Variants in RHBDD1 observed in about 807,000 individuals in gnomAD.
RHBDD1 encodes rhomboid domain containing 1.
In RHBDD1, 38 loss-of-function variants were observed where a neutral mutation model predicts 36.3. The ratio of observed to expected loss-of-function variants is 1.05; its 90% CI spans 0.81 to 1.37. The LOEUF (loss-of-function observed/expected upper bound fraction) is 1.37, where lower values mean the gene tolerates loss of function less well. Ranked by LOEUF, RHBDD1 falls within the 40% of genes most tolerant of loss-of-function variation. The probability of loss-of-function intolerance (pLI) is 0.00; values close to 1 mark genes in which losing one functional copy is unlikely to be tolerated. For synonymous variants in RHBDD1, 151 were observed against 136.5 expected (o/e 1.11, Z -0.74); for missense variants, 393 against 377.6 (o/e 1.04, Z -0.34).
At chr2:226,875,968 A>T (rs1013642387) in intron 5 of RHBDD1, among the ~76,000 whole-genome samples, 1 of 152,248 alleles carries the variant, frequency 6.6e-6, no homozygotes, top group African/African-American at 2.4e-5. Flanking sequence ...GGATTTGCCA[A>T]TTAGTTTCCT....
chr2:226,929,895 T>C (rs940352501), intron 8 of RHBDD1, among the ~76,000 whole-genome samples: 4 of 152,016 alleles, frequency 2.6e-5, no homozygotes, highest in African/African-American at 9.6e-5. Flanking sequence ...CCTTTTATGA[T>C]AGCTGCAAAC....
chr2:226,902,982 A>G (rs929950781), intron 5 of RHBDD1, among the ~76,000 whole-genome samples: 1 of 152,214 alleles, frequency 6.6e-6, no homozygotes, highest in African/African-American at 2.4e-5. Flanking sequence ...GTTATTTTAT[A>G]TCATATATGC....
chr2:226,967,091 T>C lies in RHBDD1; in HGVS notation c.857-28340T>C, dbSNP rs370861301. Among the ~76,000 whole-genome samples, 48 of 152,336 alleles carry C rather than the reference T, an allele frequency of 3.2e-4. No homozygotes were observed. The South Asian group carries it at 8.3e-3, about 26-fold the overall frequency. ...AACAAATTCCCTGATGATGCTGTGATGCAGATCTGGAAATCATCTGAGAAC... is the reference window on the plus strand; with the variant it reads ...AACAAATTCCCTGATGATGCTGTGACGCAGATCTGGAAATCATCTGAGAAC... On this transcript the variant is annotated intron_variant, in intron 8 of 8. Transcript: ENST00000392062.
chr2:226,865,313 A>G (rs1325802728), intron 4 of RHBDD1, among the ~76,000 whole-genome samples, 187 bp downstream of exon 4: 1 of 152,190 alleles, frequency 6.6e-6, no homozygotes, highest in Non-Finnish European at 1.5e-5. Flanking sequence ...ATGCTGCATT[A>G]TTCACTCTTA....
chr2:226,991,398 T>G (rs1958172175), intron 8 of RHBDD1, among the ~76,000 whole-genome samples: 1 of 152,158 alleles, frequency 6.6e-6, no homozygotes, highest in Non-Finnish European at 1.5e-5. Flanking sequence ...GCCCGGATGG[T>G]CTCAATCTCC....
At chr2:226,933,614 G>A (rs1209202179) in intron 8 of RHBDD1, among the ~76,000 whole-genome samples, 1 of 152,048 alleles carries the variant, frequency 6.6e-6, no homozygotes, top group African/African-American at 2.4e-5. Context: ...TATTTGTTTA[G>A]TTGGCTGATC....
intron 8 of RHBDD1, among the ~76,000 whole-genome samples, chr2:226,933,748 G>A (rs1284825441): frequency 1.3e-5 from 2 of 152,072 alleles, no homozygotes; most frequent in East Asian, 3.9e-4. Flanking sequence ...TAGCATTTAT[G>A]TTTTTTATAA....
At chr2:226,870,037 A>G (rs868763155) in intron 5 of RHBDD1, among the ~76,000 whole-genome samples, 3 of 152,318 alleles carry the variant, frequency 2.0e-5, no homozygotes, top group Middle Eastern at 6.8e-3. Context: ...GCCTTAGGCT[A>G]TCTAGACAGA....
chr2:226,851,494 C>T (rs976393766), intron 3 of RHBDD1, among the ~76,000 whole-genome samples: 1 of 151,998 alleles, frequency 6.6e-6, no homozygotes, highest in Non-Finnish European at 1.5e-5. Flanking sequence ...AGAATCAGGA[C>T]AACTAGCAAA....
intron 5 of RHBDD1, among the ~76,000 whole-genome samples, chr2:226,899,707 G>C (rs1237384368): frequency 6.6e-6 from 1 of 152,206 alleles, no homozygotes; most frequent in Non-Finnish European, 1.5e-5. Context: ...AGCAGCAGTA[G>C]ATCCTATACC....
chr2:226,908,707 T>C, intron 6 of RHBDD1, 115 bp from the exon 7 acceptor site: 1 of 759,042 alleles, frequency 1.3e-6, no homozygotes, highest in African/African-American at 1.7e-5. Context: ...AATAAGTGTT[T>C]AGAAATCATT....
chr2:226,878,606 A>C (rs781473671), intron 5 of RHBDD1, among the ~76,000 whole-genome samples: 1 of 152,190 alleles, frequency 6.6e-6, no homozygotes, highest in Non-Finnish European at 1.5e-5. Context: ...CATCAGTGGC[A>C]TCAGAGCCAG....
chr2:226,974,333 G>A (rs1575365569), intron 8 of RHBDD1, among the ~76,000 whole-genome samples: 1 of 151,980 alleles, frequency 6.6e-6, no homozygotes, highest in African/African-American at 2.4e-5. Flanking sequence ...CACCCCCTGG[G>A]TTCACGCCAT....
At chr2:226,933,859 A>G (rs1253438271) in intron 8 of RHBDD1, among the ~76,000 whole-genome samples, 3 of 152,094 alleles carry the variant, frequency 2.0e-5, no homozygotes, top group African/African-American at 4.8e-5. Context: ...CTTGCATACT[A>G]TTTATCAATT....
chr2:226,880,612 A>C (rs1574932644), intron 5 of RHBDD1, among the ~76,000 whole-genome samples: 1 of 152,342 alleles, frequency 6.6e-6, no homozygotes, highest in East Asian at 1.9e-4. Context: ...GGAGAGAGAC[A>C]GAAGCCCCAG....
intron 8 of RHBDD1, among the ~76,000 whole-genome samples, chr2:226,989,346 A>G (rs1185551178): frequency 1.2e-4 from 19 of 152,214 alleles, no homozygotes; most frequent in Non-Finnish European, 5.9e-5. Flanking sequence ...AAAAATCTAT[A>G]GTTAGAAATC....
the RHBDD1 span, among the ~76,000 whole-genome samples, chr2:226,800,745 T>C: frequency 6.6e-6 from 1 of 152,184 alleles, no homozygotes; most frequent in East Asian, 1.9e-4. Flanking sequence ...GCTGAAATGT[T>C]TGTTTCACAC....
Position 226,996,719 on chromosome 2 carries a change from G to C in RHBDD1, c.*1197G>C, listed in dbSNP as rs1243794327. 1 of 152,204 alleles carries C rather than the reference G, an allele frequency of 6.6e-6. No individual in the cohort carries two copies. The highest frequency in any genetic ancestry group is 1.9e-4 in the East Asian group (1 of 5,202). The allele number at this position is 152,204 out of a possible 1,614,324, so 9.4% of individuals were successfully genotyped here. On this transcript the variant is annotated 3_prime_UTR_variant, in exon 9 of 9. Transcript: ENST00000392062. ...TTAGCAGGGGTTATCTTTGGGAGTG[G>C]AGTACATGGGATTTTGCTTTCTTCA...
At chr2:226,878,639 A>T (rs1418163767) in intron 5 of RHBDD1, among the ~76,000 whole-genome samples, 5 of 152,138 alleles carry the variant, frequency 3.3e-5, no homozygotes, top group South Asian at 4.1e-4. Flanking sequence ...GTGGCCTTTG[A>T]TAGAGCCACA....
Sources: gnomAD v4.1 joint callset for allele counts (sites outside exome capture counted in the v4.1 genomes callset) on GRCh38, gnomAD v4.1.1 for gene constraint, MANE v1.5 for transcripts, NCBI Gene and HGNC (gene_info 2026-07-23, HGNC 2026-07-21) for gene names.